Variants in CCDC57 observed in about 807,000 individuals in gnomAD.
CCDC57 encodes the protein coiled-coil domain containing 57.
A neutral mutation model predicts 118.9 loss-of-function variants in CCDC57; 118 were observed. That is an observed-to-expected ratio of 0.99 (90% CI 0.86 to 1.16). The LOEUF is 1.16. CCDC57 is among the 50% of genes most tolerant of loss of function. The probability of loss-of-function intolerance (pLI) is 0.00; values close to 1 mark genes in which losing one functional copy is unlikely to be tolerated. For synonymous variants in CCDC57, 527 were observed against 532.9 expected, an observed-to-expected ratio of 0.99 and a Z score of 0.15; for missense variants, 1,300 against 1,320.7, an observed-to-expected ratio of 0.98 and a Z score of 0.24.
At chr17:82,205,257 G>A (rs1383878018) in intron 2 of CCDC57, among the ~76,000 whole-genome samples, 1 of 152,174 alleles carries the variant, frequency 6.6e-6, no homozygotes, top group Non-Finnish European at 1.5e-5. Context: ...TGAGGTCTGC[G>A]AGGTCTACGG....
At chr17:82,134,655 G>A (rs892587998) in intron 16 of CCDC57, among the ~76,000 whole-genome samples, 3 of 152,084 alleles carry the variant, frequency 2.0e-5, no homozygotes, top group African/African-American at 2.4e-5. Context: ...TTAGCTGGGC[G>A]TGGTGGTGGG....
intron 19 of CCDC57, among the ~76,000 whole-genome samples, chr17:82,110,221 T>C (rs2035148549): frequency 6.6e-6 from 1 of 152,080 alleles, no homozygotes; most frequent in African/African-American, 2.4e-5. Context: ...CCTCAAGTGA[T>C]CCACCCTCCT....
chr17:82,188,320 A>G (rs1163652799), exon 8 of CCDC57: 1 of 1,606,608 alleles, frequency 6.2e-7, no homozygotes, highest in Non-Finnish European at 8.5e-7. Context: ...GCAGCTCCAG[A>G]ACCCTGGTCT....
At chr17:82,184,031 G>GCGCACGCACACACACACA in intron 8 of CCDC57, 99 bp from the exon 8 acceptor site, 1 of 125,852 alleles carries the variant, frequency 7.9e-6, no homozygotes, top group Non-Finnish European at 1.6e-5. Flanking sequence ...GCGCGCGCGC[G>GCGCACGCACACACACACA]CACACACACA....
intron 2 of CCDC57, among the ~76,000 whole-genome samples, chr17:82,204,448 TGCACTC>T (rs1424103568): frequency 6.6e-6 from 1 of 152,214 alleles, no homozygotes; most frequent in Admixed American, 6.5e-5. Context: ...GCCTCTGCTG[TGCACTC>T]CCACTTTTTT....
Position 82,107,368 on chromosome 17 carries a change from C to CGGGAGTGGGGAGTG in CCDC57, c.2900-5516_2900-5503dup, listed in dbSNP as rs57014466. 705 of 452,272 alleles carry CGGGAGTGGGGAGTG rather than the reference C, an allele frequency of 1.6e-3. 2 individuals carry two copies. The highest frequency in any genetic ancestry group is 0.013 in the African/African-American group (634 of 49,494). 28.0% of individuals were successfully genotyped at this position (452,272 alleles called of 1,614,324 possible). ...GCACCCGGGTGGGGCACAGATGCCG[C>CGGGAGTGGGGAGTG]GGGAGTGGGGAGTGGGGAGTGGCTG... On this transcript the variant is annotated intron_variant, in intron 19 of 19. Coordinates refer to ENST00000665763, the Ensembl canonical transcript of CCDC57.
chr17:82,111,671 A>T (rs1253123386), intron 19 of CCDC57, among the ~76,000 whole-genome samples: 1 of 151,970 alleles, frequency 6.6e-6, no homozygotes, highest in Non-Finnish European at 1.5e-5. Context: ...CAGTGGTGCG[A>T]TCTCGGCTCA....
chr17:82,112,505 GT>G (rs1355265958), intron 19 of CCDC57: 1 of 152,352 alleles, frequency 6.6e-6, no homozygotes, highest in Non-Finnish European at 1.5e-5. Context: ...GCTTTGTGGA[GT>G]TTTCTTCTAT....
At chr17:82,151,397 C>CCACACCCAGAACCTGGCA (rs1555707633) in intron 16 of CCDC57, among the ~76,000 whole-genome samples, 163 bp downstream of exon 15, 23 of 115,136 alleles carry the variant, frequency 2.0e-4, no homozygotes, top group South Asian at 6.2e-4. Flanking sequence ...AGAACCTGAC[C>CCACACCCAGAACCTGGCA]CACACCCAGA....
exon 3 of CCDC57, chr17:82,201,586 T>A: frequency 6.2e-7 from 1 of 1,612,520 alleles, no homozygotes; most frequent in Non-Finnish European, 8.5e-7. Flanking sequence ...TGCCAGCTGC[T>A]GCTGCTGCTG....
chr17:82,109,349 T>C (rs1484106743), intron 19 of CCDC57, among the ~76,000 whole-genome samples: 5 of 152,202 alleles, frequency 3.3e-5, no homozygotes, highest in Non-Finnish European at 7.3e-5. Flanking sequence ...CGGTGTGAGC[T>C]GGCAGATGTT....
At chr17:82,142,921 T>G (rs1233338876) in intron 16 of CCDC57, among the ~76,000 whole-genome samples, 2 of 151,950 alleles carry the variant, frequency 1.3e-5, no homozygotes, top group Non-Finnish European at 2.9e-5. Flanking sequence ...TCCCAGCACT[T>G]TGGGAGGCCG....
At chr17:82,149,718 C>T (rs902150026) in intron 16 of CCDC57, among the ~76,000 whole-genome samples, 55 of 152,190 alleles carry the variant, frequency 3.6e-4, no homozygotes, top group Non-Finnish European at 1.0e-4. Flanking sequence ...CCACTGACCC[C>T]AGGCGCACAC....
chr17:82,124,979 C>A (rs1214254782), intron 19 of CCDC57, among the ~76,000 whole-genome samples: 4 of 152,098 alleles, frequency 2.6e-5, no homozygotes, highest in Admixed American at 2.6e-4. Context: ...GAGGCGGTGC[C>A]CCTAAGAATC....
chr17:82,108,701 G>A (rs1469595806), intron 19 of CCDC57: 2 of 152,382 alleles, frequency 1.3e-5, no homozygotes, highest in South Asian at 2.1e-4. Context: ...TGGAGGCGGT[G>A]ACTGTGAGCG....
intron 19 of CCDC57, among the ~76,000 whole-genome samples, chr17:82,111,670 G>A (rs932675958): frequency 6.6e-6 from 1 of 152,010 alleles, no homozygotes; most frequent in Non-Finnish European, 1.5e-5. Flanking sequence ...GCAGTGGTGC[G>A]ATCTCGGCTC....
At chr17:82,181,474 GCAGCCAAACAAAAAACAGCA>G (rs1366420316) in intron 9 of CCDC57, among the ~76,000 whole-genome samples, 1 of 152,152 alleles carries the variant, frequency 6.6e-6, no homozygotes, top group Admixed American at 6.5e-5. Flanking sequence ...ATACTTAACT[GCAGCCAAACAAAAAACAGCA>G]CAGCCAAAAC....
chr17:82,104,446 C>T (rs1184721461), intron 19 of CCDC57, among the ~76,000 whole-genome samples: 1 of 150,850 alleles, frequency 6.6e-6, no homozygotes, highest in Non-Finnish European at 1.5e-5. Flanking sequence ...CCAGGCTTAA[C>T]CCCTCCCAGG....
At chr17:82,115,541 T>C (rs2035774795) in intron 19 of CCDC57, among the ~76,000 whole-genome samples, 1 of 151,872 alleles carries the variant, frequency 6.6e-6, no homozygotes, top group East Asian at 2.0e-4. Flanking sequence ...GAGGCTGACA[T>C]GGGAGCATTG....
Sources: allele counts gnomAD v4.1 joint callset (sites outside exome capture counted in the v4.1 genomes callset), GRCh38; gene constraint gnomAD v4.1.1; transcripts MANE v1.5; gene names NCBI Gene and HGNC (gene_info 2026-07-23, HGNC 2026-07-21).